Variants in GFRA1 observed in about 807,000 individuals in gnomAD.
GFRA1 encodes GDNF family receptor alpha 1.
Under a neutral mutation model 51.6 loss-of-function variants are expected in GFRA1, and 16 were observed. That is an observed-to-expected ratio of 0.31 (90% CI 0.21 to 0.47). The LOEUF (loss-of-function observed/expected upper bound fraction) is 0.47. Ranked by LOEUF, GFRA1 falls within the 20% of genes least tolerant of loss-of-function variation. The pLI is 1.00. For missense variants in GFRA1, 530 were observed against 594.3 expected (o/e 0.89, Z 1.13); for synonymous variants, 270 against 241.3 (o/e 1.12, Z -1.10).
At chr10:116,070,138 T>C (rs1589761790) in intron 9 of GFRA1, among the ~76,000 whole-genome samples, 1 of 152,184 alleles carries the variant, frequency 6.6e-6, no homozygotes, top group African/African-American at 2.4e-5. Flanking sequence ...TGCAGCCAAA[T>C]AGTCATAATT....
intron 4 of GFRA1, among the ~76,000 whole-genome samples, chr10:116,226,254 G>A (rs1966287219): frequency 6.6e-6 from 1 of 152,138 alleles, no homozygotes; most frequent in African/African-American, 2.4e-5. Flanking sequence ...AAGATGGTCG[G>A]CATGGCCTTT....
In GFRA1 at chr10:116,271,120, G is replaced by A; in HGVS notation, c.41-5C>T. ...CTTCGGCCGACAGGAGCAAGTCTGC[G>A]GGGCAGAGGGGAGGGAGCCTGAGTG... is the stretch of plus-strand genomic sequence containing the variant. On this transcript the variant is annotated splice_region_variant and splice_polypyrimidine_tract_variant and intron_variant, in intron 2 of 10. Transcript: ENST00000355422. The A allele has an allele frequency of 1.9e-6, 3 of 1,598,222 alleles. No homozygotes were observed. The highest frequency in any genetic ancestry group is 2.3e-5 in the East Asian group (1 of 44,360).
chr10:116,229,845 A>G (rs564150164), intron 4 of GFRA1, among the ~76,000 whole-genome samples: 1 of 152,170 alleles, frequency 6.6e-6, no homozygotes, highest in Non-Finnish European at 1.5e-5. Flanking sequence ...ACAGATGAGA[A>G]AATAGTTTAT....
intron 4 of GFRA1, among the ~76,000 whole-genome samples, chr10:116,255,453 T>C (rs1277918568): frequency 6.6e-6 from 1 of 151,762 alleles, no homozygotes; most frequent in Non-Finnish European, 1.5e-5. Flanking sequence ...CTACTTTGTT[T>C]GCAAACATTG....
intron 5 of GFRA1, among the ~76,000 whole-genome samples, chr10:116,191,195 A>C (rs768322067): frequency 6.0e-4 from 91 of 152,346 alleles, no homozygotes; most frequent in African/African-American, 1.6e-3. Flanking sequence ...AGCAAAAAAA[A>C]CCCACAGTAC....
chr10:116,167,021 A>G (rs1412878740), intron 5 of GFRA1, among the ~76,000 whole-genome samples: 2 of 151,698 alleles, frequency 1.3e-5, no homozygotes, highest in Non-Finnish European at 2.9e-5. Context: ...GGATGGTCTC[A>G]ATCTCCTGAC....
intron 8 of GFRA1, among the ~76,000 whole-genome samples, chr10:116,092,984 C>T (rs1011126424): frequency 1.3e-5 from 2 of 152,178 alleles, no homozygotes; most frequent in Non-Finnish European, 2.9e-5. Context: ...TGTTCACATC[C>T]GTCCATTTCT....
At chr10:116,216,132 T>C (rs1965546497) in intron 4 of GFRA1, among the ~76,000 whole-genome samples, 1 of 152,142 alleles carries the variant, frequency 6.6e-6, no homozygotes, top group African/African-American at 2.4e-5. Flanking sequence ...ACAGGGGCCA[T>C]AAAAAGACTC....
rs2133722506 is a variant in GFRA1, at chr10:116,057,863, TCTC to T, written c.*6532_*6534del. On this transcript the variant is annotated 3_prime_UTR_variant, in exon 11 of 11. Transcript: ENST00000355422. ...ACTGATTTGGTTCTGCGATTTCCAT[TCTC>T]CTCTCCACATCCGAGAAATGCCTTC... 6.6e-6 allele frequency: 1 copy of T among 151,414 alleles called. No homozygotes were observed. The highest frequency in any genetic ancestry group is 2.1e-4 in the South Asian group (1 of 4,766). The allele number at this position is 151,414 out of a possible 1,614,324, so 9.4% of individuals were successfully genotyped here.
chr10:116,133,761 G>A lies in GFRA1; in HGVS notation c.434-8204C>T, dbSNP rs138005551. Among the ~76,000 whole-genome samples, 834 of 152,338 alleles carry A rather than the reference G, an allele frequency of 5.5e-3. 7 individuals carry two copies. Among genetic ancestry groups the A allele is most frequent in the African/African-American group, 0.019 (785 of 41,570 alleles). ...GGTCTGCGGCTCCAAAGGAGTACAT[G>A]GACCAATGATTTCAGCCCTGACCTG... is the stretch of plus-strand genomic sequence containing the variant. On this transcript the variant is annotated intron_variant, in intron 5 of 10. Transcript: ENST00000355422.
chr10:116,176,099 C>A (rs562279531), intron 5 of GFRA1, among the ~76,000 whole-genome samples: 1 of 152,292 alleles, frequency 6.6e-6, no homozygotes, highest in African/African-American at 2.4e-5. Context: ...GAGTATGAAC[C>A]TATGCTTTTA....
intron 5 of GFRA1, among the ~76,000 whole-genome samples, chr10:116,181,345 T>C (rs995310452): frequency 6.6e-6 from 1 of 152,076 alleles, no homozygotes; most frequent in Non-Finnish European, 1.5e-5. Context: ...TTGAAAAAGA[T>C]GCACCCACAG....
At position 116,272,096 on chromosome 10, in the gene GFRA1, G is replaced by T; in HGVS notation, c.-67C>A. ...CCGAGCCGCCGCTGGGTCTTGCCGA[G>T]GGAGCTCAGCGTGCAGCGATCCCCG... On this transcript the variant is annotated 5_prime_UTR_variant, in exon 2 of 11. Transcript: ENST00000355422. The surrounding 1 kb of genome is among the most constrained non-coding windows in gnomAD (Gnocchi z 4.4). The T allele has an allele frequency of 7.4e-7, 1 of 1,355,988 alleles. No individual in the cohort carries two copies. 84.0% of individuals were successfully genotyped at this position (1,355,988 alleles called of 1,614,324 possible).
chr10:116,202,785 C>A (rs1236622285), intron 5 of GFRA1, among the ~76,000 whole-genome samples: 1 of 152,136 alleles, frequency 6.6e-6, no homozygotes, highest in Non-Finnish European at 1.5e-5. Context: ...TCCCACCAGG[C>A]CCCTCCTCCA....
intron 5 of GFRA1, among the ~76,000 whole-genome samples, chr10:116,209,956 A>C (rs1965062792): frequency 1.3e-5 from 2 of 152,156 alleles, no homozygotes; most frequent in Admixed American, 1.3e-4. Context: ...GTAATACCTT[A>C]TAAGGGAGCG....
intron 4 of GFRA1, among the ~76,000 whole-genome samples, chr10:116,259,569 A>G (rs182346501): frequency 4.8e-4 from 73 of 152,320 alleles, no homozygotes; most frequent in African/African-American, 1.7e-3. Flanking sequence ...AAATATTAAA[A>G]TAATAGGTAG....
intron 5 of GFRA1, among the ~76,000 whole-genome samples, chr10:116,166,693 T>G (rs1589838659): frequency 6.6e-6 from 1 of 151,310 alleles, no homozygotes; most frequent in East Asian, 2.0e-4. Flanking sequence ...CAGTCTCCTT[T>G]CCTTCCCTGC....
At chr10:116,096,489 T>C (rs796245078) in intron 7 of GFRA1, among the ~76,000 whole-genome samples, 166 bp downstream of exon 7, 29 of 95,894 alleles carry the variant, frequency 3.0e-4, no homozygotes, top group African/African-American at 7.2e-4. Context: ...CTTCTTTTTT[T>C]TTTCTTTTTT....
At chr10:116,065,143 G>A (rs772968988) in intron 10 of GFRA1, among the ~76,000 whole-genome samples, 1 of 152,122 alleles carries the variant, frequency 6.6e-6, no homozygotes, top group Non-Finnish European at 1.5e-5. Flanking sequence ...ACACACAGCA[G>A]AATTTTCGGT....
Sources: allele counts gnomAD v4.1 joint callset (sites outside exome capture counted in the v4.1 genomes callset), GRCh38; gene constraint gnomAD v4.1.1; non-coding constraint Gnocchi (gnomAD v3.1); transcripts MANE v1.5; gene names NCBI Gene and HGNC (gene_info 2026-07-23, HGNC 2026-07-21).